COBL: variants seen among roughly 807,000 people sequenced by gnomAD.
COBL encodes the protein cordon-bleu WH2 repeat protein, also known as protein cordon-bleu.
Under a neutral mutation model 98.8 loss-of-function variants are expected in COBL, and 51 were observed. The observed-to-expected ratio is 0.52, with a 90% CI of 0.41 to 0.65. The LOEUF (loss-of-function observed/expected upper bound fraction) is 0.65, where lower values mean the gene tolerates loss of function less well. COBL is among the 30% of genes least tolerant of loss of function. The pLI is 0.00. For synonymous variants in COBL, 634 were observed against 651.7 expected, an observed-to-expected ratio of 0.97 and a Z score of 0.41; for missense variants, 1,617 against 1,617.5, an observed-to-expected ratio of 1.00 and a Z score of 0.01.
chr7:51,133,462 TCAAAGTGGGGTTCA>T (rs1264513951), intron 6 of COBL, among the ~76,000 whole-genome samples: 1 of 152,158 alleles, frequency 6.6e-6, no homozygotes, highest in Non-Finnish European at 1.5e-5. Flanking sequence ...GGGGTGGTTC[TCAAAGTGGGGTTCA>T]CCGGAGCGGC....
chr7:51,275,610 C>T (rs957667433), intron 1 of COBL, among the ~76,000 whole-genome samples: 2 of 151,952 alleles, frequency 1.3e-5, no homozygotes, highest in African/African-American at 2.4e-5. Flanking sequence ...CCACCACCAC[C>T]GCCACTGGCA....
intron 5 of COBL, among the ~76,000 whole-genome samples, chr7:51,176,409 G>C (rs551589370): frequency 4.3e-4 from 64 of 149,402 alleles, no homozygotes; most frequent in African/African-American, 1.5e-3. Flanking sequence ...TACACACACA[G>C]ACACACACAC....
At chr7:51,274,168 C>T (rs886918173) in intron 1 of COBL, among the ~76,000 whole-genome samples, 1 of 152,178 alleles carries the variant, frequency 6.6e-6, no homozygotes, top group Admixed American at 6.5e-5. Context: ...GGCCGCCTCC[C>T]GCTTCACTCC....
In COBL at chr7:51,316,768, AGCGGCGGAGC is replaced by A. The variant is rs925042661; in HGVS notation, c.-145_-136del. On this transcript the variant is annotated 5_prime_UTR_variant, in exon 1 of 13. Coordinates refer to ENST00000265136, the MANE Select transcript of COBL (RefSeq NM_015198.5). ...CCTCCCACGCGGGCCGGCGGAGGAC[AGCGGCGGAGC>A]GCGGCGGACGGAAGGGGCTGGAATC... is the stretch of plus-strand genomic sequence containing the variant. 14 of 668,538 alleles carry A rather than the reference AGCGGCGGAGC, an allele frequency of 2.1e-5. No homozygotes were observed. Among genetic ancestry groups the A allele is most frequent in the East Asian group, 1.6e-4 (4 of 24,672 alleles). The allele number at this position is 668,538 out of a possible 1,614,324, so 41.4% of individuals were successfully genotyped here. A position where few individuals can be genotyped will look rare whatever the true frequency, so the allele number is the denominator to read the frequency against.
At chr7:51,102,552 T>G (rs1047574960) in intron 6 of COBL, among the ~76,000 whole-genome samples, 1 of 152,202 alleles carries the variant, frequency 6.6e-6, no homozygotes, top group Non-Finnish European at 1.5e-5. Context: ...TGTGTTTATC[T>G]TCCATGTCCC....
At chr7:51,027,656 C>T (rs1787703931) in intron 10 of COBL, 56 bp downstream of exon 10, 1 of 1,386,228 alleles carries the variant, frequency 7.2e-7, no homozygotes, top group African/African-American at 1.4e-5. Flanking sequence ...ACTCTGAGAC[C>T]AGTGCACTGA....
intron 5 of COBL, among the ~76,000 whole-genome samples, chr7:51,138,416 C>A (rs1799434698): frequency 6.6e-6 from 1 of 152,118 alleles, no homozygotes; most frequent in South Asian, 2.1e-4. Flanking sequence ...ATCTAGAAGA[C>A]TAAATGAAGC....
chr7:51,302,448 G>A (rs1185901428), intron 1 of COBL, among the ~76,000 whole-genome samples: 3 of 152,020 alleles, frequency 2.0e-5, no homozygotes, highest in Non-Finnish European at 2.9e-5. Context: ...AGATGTGGTG[G>A]TGCATGCCTG....
At chr7:51,211,424 G>A (rs1370295098) in intron 2 of COBL, among the ~76,000 whole-genome samples, 1 of 152,202 alleles carries the variant, frequency 6.6e-6, no homozygotes, top group Non-Finnish European at 1.5e-5. Context: ...CCACCTCACA[G>A]GGTGGATAGA....
chr7:51,229,896 G>T (rs1397686970), intron 1 of COBL, among the ~76,000 whole-genome samples: 1 of 152,146 alleles, frequency 6.6e-6, no homozygotes, highest in African/African-American at 2.4e-5. Context: ...TCCTGTCCAA[G>T]CAAGGGCCCG....
intron 4 of COBL, chr7:51,187,796 G>A: frequency 1.2e-6 from 1 of 837,944 alleles, no homozygotes; most frequent in Non-Finnish European, 1.6e-6. Context: ...AGGGCCCCAA[G>A]CCAAACTTCC....
chr7:51,086,742 T>C (rs906401442), intron 6 of COBL, among the ~76,000 whole-genome samples: 2 of 152,136 alleles, frequency 1.3e-5, no homozygotes, highest in African/African-American at 4.8e-5. Context: ...AAGAACATAA[T>C]CACTTTATTA....
At chr7:51,030,962 T>C in intron 8 of COBL, 53 bp from the exon 9 acceptor site, 1 of 1,182,974 alleles carries the variant, frequency 8.5e-7, no homozygotes, top group Non-Finnish European at 1.3e-6. Context: ...ATTGATTTAA[T>C]GTACTCCTTT....
rs528635605 is a variant in COBL at position 51,244,780 on chromosome 7, C to G, written c.42-24836G>C. On this transcript the variant is annotated intron_variant, in intron 1 of 12. Transcript: ENST00000265136. ...CAGCCCCATTATATCATTGCTGCAG[C>G]CATTCCAAGTCCCGGAAGACCTCGC... 2.0e-5 allele frequency among the ~76,000 whole-genome samples: 3 copies of G among 152,286 alleles called. No individual in the cohort carries two copies. The East Asian group carries it at 5.8e-4, about 29-fold the overall frequency.
chr7:51,307,744 T>C (rs1252306987), intron 1 of COBL, among the ~76,000 whole-genome samples: 1 of 152,262 alleles, frequency 6.6e-6, no homozygotes, highest in Non-Finnish European at 1.5e-5. Context: ...CAGAACACAG[T>C]CTTTGATTAT....
chr7:51,156,431 T>C (rs574495099), intron 5 of COBL: 3 of 985,194 alleles, frequency 3.0e-6, no homozygotes, highest in Non-Finnish European at 3.6e-6. Context: ...AGACATCAGG[T>C]TCCCCAGGAA....
rs530519412 is a variant in COBL, at chr7:51,219,826, T to G, written c.160A>C (p.Met54Leu). ...ALGSQQNLVRMKEALRASTMD... is the reference protein window; with the variant it reads ...ALGSQQNLVRLKEALRASTMD... ...GTGCTGGCCCTCAGCGCCTCCTTCA[T>G]GCGAACCAAGTTCTGCTGCGACCCG... is the stretch of plus-strand genomic sequence containing the variant. Residue 54 changes from methionine (M) to leucine (L), a missense_variant, in exon 2 of 13, where the codon ATG becomes CTG. Met to Leu is a conservative substitution (Grantham distance 15). Around this residue, in one of 3 missense-constraint regions of COBL, gnomAD observed 238 missense variants for 215.0 expected, o/e 1.11. Transcript: ENST00000265136. 5.0e-6 allele frequency: 8 copies of G among 1,613,980 alleles called. No individual in the cohort carries two copies. Among genetic ancestry groups the G allele is most frequent in the Non-Finnish European group, 5.9e-6 (7 of 1,180,040 alleles).
At chr7:51,108,957 C>CACACA (rs869144573) in intron 6 of COBL, among the ~76,000 whole-genome samples, 3 of 83,930 alleles carry the variant, frequency 3.6e-5, no homozygotes, top group South Asian at 3.5e-4. Context: ...CACACACACA[C>CACACA]CCCCTGCCCC....
chr7:51,232,942 G>A (rs1017028821), intron 1 of COBL, among the ~76,000 whole-genome samples: 21 of 152,318 alleles, frequency 1.4e-4, no homozygotes, highest in African/African-American at 5.1e-4. Flanking sequence ...GACGCTGTGT[G>A]TTAGTTTAAT....
Sources: gnomAD v4.1 joint callset for allele counts (sites outside exome capture counted in the v4.1 genomes callset) on GRCh38, gnomAD v4.1.1 for gene constraint, gnomAD v4.1.1 regional missense constraint, MANE v1.5 for transcripts, NCBI Gene and HGNC (gene_info 2026-07-23, HGNC 2026-07-21) for gene names.